XPC: variants seen among roughly 807,000 people sequenced by gnomAD.
XPC encodes DNA repair protein complementing XP-C cells.
In XPC, 76 loss-of-function variants were observed where a neutral mutation model predicts 95.8. The observed-to-expected ratio is 0.79, with a 90% CI of 0.66 to 0.96. The LOEUF (loss-of-function observed/expected upper bound fraction) is 0.96, where lower values mean the gene tolerates loss of function less well. Ranked by LOEUF, XPC falls within the 40% of genes least tolerant of loss-of-function variation. The probability of loss-of-function intolerance (pLI) is 0.00; values close to 1 mark genes in which losing one functional copy is unlikely to be tolerated. For synonymous variants in XPC, 442 were observed against 442.1 expected, an observed-to-expected ratio of 1.00 and a Z score of 0.00; for missense variants, 1,146 against 1,179.8, an observed-to-expected ratio of 0.97 and a Z score of 0.42.
intron 15 of XPC, 98 bp from the exon 16 acceptor site, chr3:14,146,257 G>A (rs900892737): frequency 2.2e-4 from 245 of 1,139,342 alleles, no homozygotes; most frequent in Non-Finnish European, 3.3e-5. Flanking sequence ...CCTGCCCTAA[G>A]CTGTGTAACT....
intron 2 of XPC, among the ~76,000 whole-genome samples, chr3:14,172,318 A>G (rs954294357): frequency 6.6e-6 from 1 of 152,190 alleles, no homozygotes; most frequent in African/African-American, 2.4e-5. Flanking sequence ...ACTCCCTAGA[A>G]GCGCTACAGG....
Position 14,147,918 on chromosome 3 carries a change from T to TTC in XPC, c.2502_2503dup (p.Lys835ArgfsTer12). On this transcript the variant is annotated frameshift_variant, in exon 14 of 16. Coordinates refer to ENST00000285021, the MANE Select transcript of XPC (RefSeq NM_004628.5). LOFTEE classifies it high-confidence loss of function. ...TGCATATGCGCTTACCTCCTTCTCC[T>TTC]TCCTTTCAATGACTGCCTGCTCATT... is the stretch of plus-strand genomic sequence containing the variant. 1 of 1,601,118 alleles carries TTC rather than the reference T, an allele frequency of 6.2e-7. No individual in the cohort carries two copies. Among genetic ancestry groups the TTC allele is most frequent in the Non-Finnish European group, 8.5e-7 (1 of 1,173,218 alleles).
chr3:14,145,729 GTGAATC>G lies in XPC; in HGVS notation c.*206_*211del. 1.4e-6 allele frequency: 1 copy of G among 713,674 alleles called. No individual in the cohort carries two copies. The highest frequency in any genetic ancestry group is 2.5e-6 in the Non-Finnish European group (1 of 397,718). The allele number at this position is 713,674 out of a possible 1,614,324, so 44.2% of individuals were successfully genotyped here. On this transcript the variant is annotated 3_prime_UTR_variant, in exon 16 of 16. Transcript: ENST00000285021. ...AAAAGCTTTGAAGGCTTCACCCTGG[GTGAATC>G]TGACAAGGGCTGGAGCCAGACGGGA...
In XPC at chr3:14,145,573, C is replaced by A; in HGVS notation, c.*368G>T. 1.4e-6 allele frequency: 1 copy of A among 699,680 alleles called. No individual in the cohort carries two copies. The highest frequency in any genetic ancestry group is 2.7e-5 in the East Asian group (1 of 37,282). The allele number at this position is 699,680 out of a possible 1,614,324, so 43.3% of individuals were successfully genotyped here. A position where few individuals can be genotyped will look rare whatever the true frequency, so the allele number is the denominator to read the frequency against. On this transcript the variant is annotated 3_prime_UTR_variant, in exon 16 of 16. Transcript: ENST00000285021. ...AGCGCATTCACGGATGCACCACCAT[C>A]CAGAAATCTCCCGGTGGCTTCCATA...
At chr3:14,153,502 T>C (rs1289906352) in intron 10 of XPC, 1 of 152,990 alleles carries the variant, frequency 6.5e-6, no homozygotes, top group East Asian at 1.9e-4. Flanking sequence ...TGTAGGCTAA[T>C]GTGTTCTCAG....
At chr3:14,175,912 G>C (rs1020772629) in intron 1 of XPC, among the ~76,000 whole-genome samples, 14 of 152,302 alleles carry the variant, frequency 9.2e-5, no homozygotes, top group Middle Eastern at 3.4e-3. Flanking sequence ...AAGCTGCCTT[G>C]GGAACTGACT....
intron 11 of XPC, among the ~76,000 whole-genome samples, chr3:14,152,107 T>C (rs548490847): frequency 3.3e-5 from 5 of 151,992 alleles, no homozygotes; most frequent in African/African-American, 1.2e-4. Context: ...TTGGCCTAGA[T>C]TTCTTTTGTG....
intron 7 of XPC, among the ~76,000 whole-genome samples, chr3:14,163,020 C>A (rs1574967144): frequency 6.6e-6 from 1 of 152,186 alleles, no homozygotes; most frequent in African/African-American, 2.4e-5. Context: ...AGACACTCAT[C>A]ATCATGTCAT....
chr3:14,177,620 A>G (rs985917655), intron 1 of XPC, among the ~76,000 whole-genome samples: 3 of 152,068 alleles, frequency 2.0e-5, no homozygotes, highest in African/African-American at 7.2e-5. Context: ...AACATGTAGT[A>G]TCTTGTAGGC....
At chr3:14,160,462 G>T (rs1052549002) in intron 7 of XPC, among the ~76,000 whole-genome samples, 22 of 152,190 alleles carry the variant, frequency 1.4e-4, no homozygotes, top group Admixed American at 1.3e-4. Context: ...TTCCTACACG[G>T]GTCTCCAGGT....
chr3:14,148,769 G>A (rs772845844), intron 12 of XPC, 38 bp from the exon 13 acceptor site: 69 of 1,613,370 alleles, frequency 4.3e-5, no homozygotes, highest in Non-Finnish European at 4.7e-5. Context: ...GGCCAGCAGG[G>A]GAACAAGGCG....
chr3:14,146,040 T>G lies in XPC; in HGVS notation c.2724A>C (p.Arg908=), dbSNP rs757354867. The part of the protein sequence containing the change: ...RILAASWPQN[R]EDEEKQKLKG... ...TCAGCTTCTGCTTTTCTTCATCTTCTCGGTTTTGAGGCCAGGAGGCAGCCA... is the reference window on the plus strand; with the variant it reads ...TCAGCTTCTGCTTTTCTTCATCTTCGCGGTTTTGAGGCCAGGAGGCAGCCA... Residue 908 remains arginine, a synonymous_variant, in exon 16 of 16, where the codon CGA becomes CGC. Coordinates refer to ENST00000285021, the MANE Select transcript of XPC (RefSeq NM_004628.5). 1 of 1,612,752 alleles carries G rather than the reference T, an allele frequency of 6.2e-7. No individual in the cohort carries two copies. Among genetic ancestry groups the G allele is most frequent in the African/African-American group, 1.3e-5 (1 of 74,850 alleles).
intron 1 of XPC, among the ~76,000 whole-genome samples, chr3:14,174,867 G>A (rs1696751682): frequency 6.6e-6 from 1 of 151,724 alleles, no homozygotes; most frequent in Non-Finnish European, 1.5e-5. Context: ...GCTATTTTTT[G>A]GTCCCTAAGC....
chr3:14,178,401 T>A, intron 1 of XPC, 65 bp downstream of exon 1: 1 of 1,514,010 alleles, frequency 6.6e-7, no homozygotes, highest in Non-Finnish European at 8.8e-7. Flanking sequence ...ACTCCCGCCC[T>A]GCCTCTGGGC....
chr3:14,168,416 A>G (rs775608179), intron 3 of XPC, 36 bp from the exon 4 acceptor site: 75 of 1,610,336 alleles, frequency 4.7e-5, no homozygotes, highest in Middle Eastern at 1.6e-4. Flanking sequence ...AGTAATAGTA[A>G]TAACAATAAT....
At position 14,158,845 on chromosome 3, in the gene XPC, G is replaced by A; in HGVS notation, c.1038C>T (p.Ser346=). The change falls in exon 9 of 16, where the codon TCC becomes TCT. Residue 346 remains serine (S), a synonymous_variant. Transcript: ENST00000285021. The surrounding 1 kb of genome is among the most constrained non-coding windows in gnomAD (Gnocchi z 5.2). ...KERLTADPGG[S]SETSSQVLEN... ...CTAGAACTTGGCTGGAAGTTTCTGA[G>A]GAGCCTCCTGGATCCGCAGTCAATC... is the stretch of plus-strand genomic sequence containing the variant. 1.9e-6 allele frequency: 3 copies of A among 1,613,926 alleles called. No homozygotes were observed. Among genetic ancestry groups the A allele is most frequent in the Non-Finnish European group, 2.5e-6 (3 of 1,179,876 alleles).
intron 7 of XPC, among the ~76,000 whole-genome samples, chr3:14,163,987 T>C (rs1696268091): frequency 6.6e-6 from 1 of 152,220 alleles, no homozygotes; most frequent in South Asian, 2.1e-4. Flanking sequence ...AGGTGGAGGT[T>C]GCAGTGAGCT....
chr3:14,150,214 G>A (rs774754317), intron 11 of XPC, among the ~76,000 whole-genome samples: 8 of 152,364 alleles, frequency 5.3e-5, no homozygotes, highest in South Asian at 2.1e-4. Flanking sequence ...ACAGAGTCAC[G>A]TAACTCTTAG....
intron 13 of XPC, 59 bp from the exon 14 acceptor site, chr3:14,148,060 C>G: frequency 6.9e-7 from 1 of 1,444,396 alleles, no homozygotes; most frequent in Non-Finnish European, 9.4e-7. Context: ...GCCTCTCCTC[C>G]CTCCCCAGTT....
Sources: allele counts gnomAD v4.1 joint callset (sites outside exome capture counted in the v4.1 genomes callset), GRCh38; gene constraint gnomAD v4.1.1; non-coding constraint Gnocchi (gnomAD v3.1); transcripts MANE v1.5; gene names NCBI Gene and HGNC (gene_info 2026-07-23, HGNC 2026-07-21).